Variants in ACCSL observed in about 807,000 individuals in gnomAD.
ACCSL encodes the protein 1-aminocyclopropane-1-carboxylate synthase homolog (inactive) like, also known as probable inactive 1-aminocyclopropane-1-carboxylate synthase-like protein 2.
A neutral mutation model predicts 61.7 loss-of-function variants in ACCSL; 55 were observed. The observed-to-expected ratio is 0.89, with a 90% CI of 0.72 to 1.12. ACCSL has a LOEUF of 1.12. ACCSL is among the 50% of genes most tolerant of loss of function. The pLI, the probability that ACCSL is intolerant of heterozygous loss-of-function variation, is 0.00. For synonymous variants in ACCSL, 258 were observed against 264.3 expected (o/e 0.98, Z 0.23); for missense variants, 632 against 698.0 (o/e 0.91, Z 1.07).
the ACCSL span, among the ~76,000 whole-genome samples, chr11:43,936,336 C>T: frequency 6.6e-6 from 1 of 152,224 alleles, no homozygotes; most frequent in Non-Finnish European, 1.5e-5. Flanking sequence ...GAACCTTTCC[C>T]TGATATCTTC....
At chr11:44,017,681 A>G in the ACCSL span, among the ~76,000 whole-genome samples, 3 of 152,094 alleles carry the variant, frequency 2.0e-5, no homozygotes, top group Non-Finnish European at 4.4e-5. Flanking sequence ...TAACCTCTCT[A>G]TGCCTCGGTT....
the ACCSL span, among the ~76,000 whole-genome samples, chr11:43,945,963 T>C: frequency 2.0e-5 from 3 of 152,202 alleles, no homozygotes; most frequent in African/African-American, 7.2e-5. Flanking sequence ...GGGACCATAT[T>C]CCCTGCTCAG....
chr11:43,930,807 TCACA>T, the ACCSL span, among the ~76,000 whole-genome samples: 5 of 151,820 alleles, frequency 3.3e-5, no homozygotes, highest in East Asian at 1.9e-4. Flanking sequence ...AAAAAAGTTT[TCACA>T]CACACACACA....
the ACCSL span, among the ~76,000 whole-genome samples, chr11:44,028,062 G>A: frequency 6.6e-6 from 1 of 152,022 alleles, no homozygotes; most frequent in African/African-American, 2.4e-5. Flanking sequence ...TAGCTACTTA[G>A]GAGGCTAAAG....
At chr11:43,958,798 C>T in the ACCSL span, among the ~76,000 whole-genome samples, 7 of 152,224 alleles carry the variant, frequency 4.6e-5, no homozygotes, top group Non-Finnish European at 8.8e-5. Context: ...TTTCAACCTC[C>T]TATCCTGTCA....
chr11:43,965,684 G>A, the ACCSL span, among the ~76,000 whole-genome samples: 1 of 152,136 alleles, frequency 6.6e-6, no homozygotes, highest in African/African-American at 2.4e-5. Context: ...AAAATTGGAA[G>A]GCACACTTCC....
chr11:43,955,543 G>A, the ACCSL span, among the ~76,000 whole-genome samples: 1 of 152,152 alleles, frequency 6.6e-6, no homozygotes. Flanking sequence ...AAATCTGGAA[G>A]CTAGGGTTTT....
chr11:44,041,075 C>A, the ACCSL span, among the ~76,000 whole-genome samples: 1 of 152,186 alleles, frequency 6.6e-6, no homozygotes, highest in Admixed American at 6.5e-5. Context: ...GGAACCTAGA[C>A]CAGAGCCTGA....
At chr11:44,001,087 G>A in the ACCSL span, 1 of 152,058 alleles carries the variant, frequency 6.6e-6, no homozygotes, top group Non-Finnish European at 1.5e-5. Context: ...CTATGCCCCT[G>A]TTTTGTGCCA....
At chr11:44,039,935 T>C in the ACCSL span, among the ~76,000 whole-genome samples, 1 of 152,224 alleles carries the variant, frequency 6.6e-6, no homozygotes, top group Non-Finnish European at 1.5e-5. Context: ...CTTTAGCATA[T>C]CTGCTCCCGT....
At chr11:43,985,765 A>T in the ACCSL span, among the ~76,000 whole-genome samples, 1 of 152,198 alleles carries the variant, frequency 6.6e-6, no homozygotes, top group Non-Finnish European at 1.5e-5. Context: ...ATGTCTAAAG[A>T]CATCTCAGGC....
At chr11:44,045,591 AT>A (rs532738481), upstream of ACCSL, among the ~76,000 whole-genome samples, 283 of 152,116 alleles carry the variant, frequency 1.9e-3, 1 homozygote, top group African/African-American at 6.6e-3. Context: ...TTCCTCCTCC[AT>A]TTGCCTACTA....
the ACCSL span, among the ~76,000 whole-genome samples, chr11:43,977,824 C>T: frequency 2.6e-5 from 4 of 152,106 alleles, no homozygotes; most frequent in Admixed American, 2.6e-4. Flanking sequence ...CACCACCTAC[C>T]AGCTGTGTGA....
chr11:43,946,536 G>A, the ACCSL span, among the ~76,000 whole-genome samples: 1 of 151,988 alleles, frequency 6.6e-6, no homozygotes. Flanking sequence ...GCCTATATAT[G>A]CATGTTTATT....
In ACCSL at chr11:44,059,961, C is replaced by T; in HGVS notation, c.*41C>T. 6.3e-7 allele frequency: 1 copy of T among 1,577,846 alleles called. No individual in the cohort carries two copies. Among genetic ancestry groups the T allele is most frequent in the Non-Finnish European group, 8.7e-7 (1 of 1,148,616 alleles). ...ACCAGCAGTTCCAGCCCATCACTTG[C>T]TCAGGGACCCCCTAATGTCAGCCTC... is the stretch of plus-strand genomic sequence containing the variant. On this transcript the variant is annotated 3_prime_UTR_variant, in exon 14 of 14. Transcript: ENST00000378832.
the ACCSL span, among the ~76,000 whole-genome samples, chr11:43,959,199 C>T: frequency 1.3e-5 from 2 of 152,128 alleles, no homozygotes; most frequent in Non-Finnish European, 2.9e-5. Context: ...GTGGAATGGG[C>T]GAGCCGGCGA....
chr11:43,968,747 G>A, the ACCSL span, among the ~76,000 whole-genome samples: 1 of 152,162 alleles, frequency 6.6e-6, no homozygotes, highest in Non-Finnish European at 1.5e-5. Flanking sequence ...TTGTGGGGAT[G>A]GCGAGTGGTG....
the ACCSL span, among the ~76,000 whole-genome samples, chr11:44,011,659 C>T: frequency 6.6e-6 from 1 of 152,164 alleles, no homozygotes; most frequent in South Asian, 2.1e-4. Context: ...GTCAGTTTTT[C>T]TCCTCCCCAA....
chr11:43,949,828 A>AAC, the ACCSL span, among the ~76,000 whole-genome samples: 2 of 150,556 alleles, frequency 1.3e-5, no homozygotes, highest in Non-Finnish European at 3.0e-5. Context: ...AAAAACAAAC[A>AAC]AACAACAACA....
Sources: allele counts gnomAD v4.1 joint callset (sites outside exome capture counted in the v4.1 genomes callset), GRCh38; gene constraint gnomAD v4.1.1; transcripts MANE v1.5; gene names NCBI Gene and HGNC (gene_info 2026-07-23, HGNC 2026-07-21).